CTNNA1: variants seen among roughly 807,000 people sequenced by gnomAD.
CTNNA1 encodes the protein catenin alpha-1.
CTNNA1 carries 37 observed loss-of-function variants against 98.4 expected under a neutral mutation model. The observed-to-expected ratio is 0.38, with a 90% CI of 0.29 to 0.49. The LOEUF is 0.49. Ranked by LOEUF, CTNNA1 falls within the 20% of genes least tolerant of loss-of-function variation. The pLI is 0.95. For missense variants in CTNNA1, 761 were observed against 1,147.2 expected, an observed-to-expected ratio of 0.66 and a Z score of 4.86; for synonymous variants, 404 against 413.2, an observed-to-expected ratio of 0.98 and a Z score of 0.27.
chr5:138,920,313 G>A (rs2150251688), intron 11 of CTNNA1, among the ~76,000 whole-genome samples: 1 of 152,320 alleles, frequency 6.6e-6, no homozygotes. Context: ...GGGGACTAGA[G>A]ATATTTCCCC....
intron 8 of CTNNA1, 90 bp from the exon 9 acceptor site, chr5:138,887,400 T>G (rs1483043362): frequency 6.4e-6 from 6 of 935,684 alleles, no homozygotes; most frequent in Non-Finnish European, 9.6e-6. Context: ...GTAAGCTTCA[T>G]TAGATTTAAG....
chr5:138,790,103 G>T (rs965747194), intron 3 of CTNNA1, among the ~76,000 whole-genome samples: 8 of 152,218 alleles, frequency 5.3e-5, no homozygotes, highest in Non-Finnish European at 7.3e-5. Context: ...GTAGGACCTA[G>T]AGTCTGGAGA....
chr5:138,925,563 C>A, intron 13 of CTNNA1, 156 bp downstream of exon 13: 1 of 1,160,528 alleles, frequency 8.6e-7, no homozygotes, highest in Non-Finnish European at 1.2e-6. Context: ...ATTACGTTGT[C>A]TAAAATGACT....
rs189333907 is a variant in CTNNA1 at position 138,892,371 on chromosome 5, G to C, written c.1296+4729G>C. Among the ~76,000 whole-genome samples, 351 of 98,184 alleles carry C rather than the reference G, an allele frequency of 3.6e-3. 1 individual carries two copies. The highest frequency in any genetic ancestry group is 0.013 in the African/African-American group (325 of 24,752). 64.4% of individuals were successfully genotyped at this position (98,184 alleles called of 152,430 possible). On this transcript the variant is annotated intron_variant, in intron 9 of 17. Coordinates refer to ENST00000302763, the MANE Select transcript of CTNNA1 (RefSeq NM_001903.5). ...TTTTTTTTTTTTGAGACAGAGTCTTGCTCTGTCGCCCAGGCTGGAGTGCAG... is the reference window on the plus strand; with the variant it reads ...TTTTTTTTTTTTGAGACAGAGTCTTCCTCTGTCGCCCAGGCTGGAGTGCAG...
chr5:138,853,996 A>G (rs1763485511), intron 7 of CTNNA1, among the ~76,000 whole-genome samples: 1 of 152,204 alleles, frequency 6.6e-6, no homozygotes, highest in Non-Finnish European at 1.5e-5. Context: ...GGGTGAATGG[A>G]AGAAGAAGCC....
At chr5:138,804,995 G>C (rs1393621730) in intron 3 of CTNNA1, among the ~76,000 whole-genome samples, 2 of 152,154 alleles carry the variant, frequency 1.3e-5, no homozygotes, top group African/African-American at 4.8e-5. Flanking sequence ...GGTGGCCTCA[G>C]GAAGCTTCCA....
intron 7 of CTNNA1, among the ~76,000 whole-genome samples, chr5:138,877,277 A>C (rs930455229): frequency 5.9e-5 from 9 of 152,140 alleles, no homozygotes; most frequent in Non-Finnish European, 1.3e-4. Flanking sequence ...CTGGTTCCAT[A>C]AACTGTCTTG....
chr5:138,802,483 T>C (rs1271373496), intron 3 of CTNNA1, among the ~76,000 whole-genome samples: 1 of 152,030 alleles, frequency 6.6e-6, no homozygotes, highest in African/African-American at 2.4e-5. Flanking sequence ...TGACAAAATT[T>C]TGGGGGGTCT....
intron 7 of CTNNA1, among the ~76,000 whole-genome samples, chr5:138,843,396 G>A (rs1762431358): frequency 6.6e-6 from 1 of 152,114 alleles, no homozygotes. Context: ...ATGTCTGAGA[G>A]CACAGTCCTT....
chr5:138,820,236 A>G (rs884470), intron 5 of CTNNA1, among the ~76,000 whole-genome samples: 103,371 of 151,636 alleles, frequency 0.68, 35,447 homozygotes, highest in East Asian at 0.93. Context: ...TGTCTGGCCA[A>G]TTGGTTGTGA....
intron 14 of CTNNA1, 61 bp downstream of exon 14, chr5:138,929,417 T>C: frequency 1.2e-6 from 1 of 833,912 alleles, no homozygotes. Flanking sequence ...GTCCCCTTTC[T>C]TGTTTCCAGG....
intron 10 of CTNNA1, among the ~76,000 whole-genome samples, chr5:138,913,468 C>T (rs533684018): frequency 9.2e-5 from 14 of 152,052 alleles, no homozygotes; most frequent in African/African-American, 3.1e-4. Flanking sequence ...CCTGTAATCC[C>T]AGCTACTCAG....
At chr5:138,894,810 C>T (rs1375450807) in intron 9 of CTNNA1, among the ~76,000 whole-genome samples, 4 of 152,158 alleles carry the variant, frequency 2.6e-5, no homozygotes, top group Admixed American at 6.5e-5. Flanking sequence ...AACTGCCTTT[C>T]GTCCTGTGTC....
At chr5:138,855,196 G>A (rs1010848174) in intron 7 of CTNNA1, among the ~76,000 whole-genome samples, 4 of 151,574 alleles carry the variant, frequency 2.6e-5, no homozygotes, top group South Asian at 2.1e-4. Context: ...CTGCCAGCAC[G>A]CCCAGCTAAT....
Position 138,781,984 on chromosome 5 carries a change from C to G in CTNNA1, c.60C>G (p.Ile20Met). The G allele has an allele frequency of 6.2e-7, 1 of 1,606,756 alleles. No individual in the cohort carries two copies. Among genetic ancestry groups the G allele is most frequent in the South Asian group, 1.1e-5 (1 of 89,044 alleles). The stretch of plus-strand genomic sequence containing the variant: ...AGTGGGATCCTAAAAGTCTAGAGAT[C>G]AGGACTCTGGCAGTTGAGAGACTGT... The part of the protein sequence containing the change: ...NFKWDPKSLE[I>M]RTLAVERLLE... The change falls in exon 2 of 18, where the codon ATC (isoleucine) becomes ATG (methionine). Residue 20 changes from isoleucine to methionine, a missense_variant. Transcript: ENST00000302763.
chr5:138,869,099 T>C (rs752224400), intron 7 of CTNNA1: 38 of 149,504 alleles, frequency 2.5e-4, no homozygotes, highest in Non-Finnish European at 4.6e-4. Context: ...GAACACAATG[T>C]ATTTGGACTG....
chr5:138,881,249 G>GA (rs1186634155), intron 7 of CTNNA1: 1 of 383,158 alleles, frequency 2.6e-6, no homozygotes, highest in Non-Finnish European at 5.3e-6. Flanking sequence ...TCTTTGAAAA[G>GA]AATTTGGGAA....
chr5:138,851,043 C>T (rs1471227661), intron 7 of CTNNA1, among the ~76,000 whole-genome samples: 1 of 152,168 alleles, frequency 6.6e-6, no homozygotes, highest in East Asian at 1.9e-4. Flanking sequence ...AAACAAAAGG[C>T]ATTTATTGCC....
At chr5:138,825,812 A>G (rs1295518565) in intron 6 of CTNNA1, among the ~76,000 whole-genome samples, 3 of 152,138 alleles carry the variant, frequency 2.0e-5, no homozygotes, top group East Asian at 1.9e-4. Context: ...AGTTTTTACC[A>G]TGGAGCTTTA....
Sources: allele counts gnomAD v4.1 joint callset (sites outside exome capture counted in the v4.1 genomes callset), GRCh38; gene constraint gnomAD v4.1.1; transcripts MANE v1.5; gene names NCBI Gene and HGNC (gene_info 2026-07-23, HGNC 2026-07-21).